The following KIT variants were observed in gnomAD, a reference collection of about 807,000 sequenced individuals.
KIT encodes the protein KIT proto-oncogene, receptor tyrosine kinase, also known as mast/stem cell growth factor receptor Kit.
KIT carries 16 observed loss-of-function variants against 105.7 expected under a neutral mutation model. The ratio of observed to expected loss-of-function variants is 0.15; its 90% CI spans 0.10 to 0.23. The LOEUF is 0.23. Among genes scored for constraint, KIT ranks in the 10% least tolerant of loss-of-function variants. The pLI is 1.00. For missense variants in KIT, 858 were observed against 1,213.8 expected (o/e 0.71, Z 4.36); for synonymous variants, 438 against 441.1 (o/e 0.99, Z 0.09).
At chr4:54,658,215 G>T in intron 1 of KIT, 134 bp downstream of exon 1, 1 of 885,184 alleles carries the variant, frequency 1.1e-6, no homozygotes. Context: ...AGCCTCCGGG[G>T]AGACTCCAGG....
At chr4:54,732,109 A>T in intron 16 of KIT, 111 bp downstream of exon 16, 1 of 1,245,060 alleles carries the variant, frequency 8.0e-7, no homozygotes, top group Non-Finnish European at 1.1e-6. Context: ...AAAATGCAGA[A>T]TGTCATTTTG....
intron 1 of KIT, among the ~76,000 whole-genome samples, chr4:54,670,807 A>T (rs1035626483): frequency 1.3e-5 from 2 of 152,164 alleles, no homozygotes; most frequent in African/African-American, 4.8e-5. Context: ...CCCCAGGGGA[A>T]GGGGAATTGT....
intron 19 of KIT, 82 bp downstream of exon 19, chr4:54,736,902 G>T (rs1188779671): frequency 7.9e-6 from 8 of 1,016,654 alleles, no homozygotes; most frequent in South Asian, 4.0e-5. Context: ...GATGTTGAGG[G>T]TTTTCATAAC....
chr4:54,698,823 A>G (rs1720257222), intron 3 of KIT, among the ~76,000 whole-genome samples: 1 of 152,258 alleles, frequency 6.6e-6, no homozygotes, highest in African/African-American at 2.4e-5. Context: ...GACTTAAGTC[A>G]GCCCAAAGTT....
intron 2 of KIT, chr4:54,696,039 G>T: frequency 1.9e-6 from 1 of 534,022 alleles, no homozygotes; most frequent in Non-Finnish European, 3.4e-6. Context: ...GCCCATTTGT[G>T]CTGGTGCTTT....
At position 54,698,468 on chromosome 4, in the gene KIT, T is replaced by C. The variant is rs145993517; in HGVS notation, c.522T>C (p.Ser174=). 2.4e-5 allele frequency: 38 copies of C among 1,614,100 alleles called. No homozygotes were observed. The African/African-American group carries it at 3.5e-4, about 15-fold the overall frequency. Residue 174 remains serine (S), a synonymous_variant, in exon 3 of 21, where the codon AGT becomes AGC. Coordinates refer to ENST00000288135, the MANE Select transcript of KIT (RefSeq NM_000222.3). The part of the protein sequence containing the change: ...PDPKAGIMIK[S]VKRAYHRLCL... ...CCAAGGCGGGCATCATGATCAAAAG[T>C]GTGAAACGCGCCTACCATCGGCTCT...
intron 20 of KIT, among the ~76,000 whole-genome samples, 169 bp from the exon 21 acceptor site, chr4:54,738,260 A>G (rs1029761840): frequency 2.6e-5 from 4 of 152,210 alleles, no homozygotes; most frequent in Admixed American, 6.5e-5. Flanking sequence ...AACAAAGCTT[A>G]TATTTGTTTT....
intron 1 of KIT, among the ~76,000 whole-genome samples, chr4:54,692,257 T>C (rs1434121059): frequency 1.3e-5 from 2 of 152,228 alleles, no homozygotes; most frequent in African/African-American, 4.8e-5. Context: ...GCTTTCCTGC[T>C]TTTCTATGAT....
intron 1 of KIT, among the ~76,000 whole-genome samples, chr4:54,680,475 T>C (rs1342981667): frequency 6.9e-6 from 1 of 145,462 alleles, no homozygotes; most frequent in South Asian, 2.4e-4. Flanking sequence ...CACTGCAACC[T>C]CCGCCTCCCC....
intron 7 of KIT, among the ~76,000 whole-genome samples, chr4:54,715,605 A>G (rs1283668056): frequency 2.0e-5 from 3 of 152,122 alleles, no homozygotes; most frequent in Non-Finnish European, 4.4e-5. Flanking sequence ...GGGAGCTAAT[A>G]GTGTGAGGAG....
At chr4:54,676,315 TCTG>T (rs1286643448) in intron 1 of KIT, among the ~76,000 whole-genome samples, 2 of 152,178 alleles carry the variant, frequency 1.3e-5, no homozygotes, top group African/African-American at 4.8e-5. Context: ...TCCAGGTGAT[TCTG>T]CTGCAGGCGA....
intron 7 of KIT, 180 bp downstream of exon 7, chr4:54,709,719 C>A: frequency 3.0e-6 from 2 of 669,010 alleles, no homozygotes; most frequent in Non-Finnish European, 5.4e-6. Context: ...GTTCCTTGTC[C>A]TACATTTCAC....
chr4:54,734,696 GTCA>G (rs1476362765), intron 17 of KIT, among the ~76,000 whole-genome samples: 1 of 152,088 alleles, frequency 6.6e-6, no homozygotes, highest in Admixed American at 6.5e-5. Flanking sequence ...CCACATTTTT[GTCA>G]TCATCATTTG....
At chr4:54,708,606 A>G (rs1416740657) in intron 6 of KIT, among the ~76,000 whole-genome samples, 1 of 152,110 alleles carries the variant, frequency 6.6e-6, no homozygotes, top group Non-Finnish European at 1.5e-5. Flanking sequence ...TGTAGAGGAG[A>G]CATGGTACAG....
intron 1 of KIT, among the ~76,000 whole-genome samples, chr4:54,658,529 T>A (rs1490022551): frequency 6.6e-6 from 1 of 152,140 alleles, no homozygotes; most frequent in Non-Finnish European, 1.5e-5. Context: ...AGGACCTGCC[T>A]GCAGGTTCTC....
At chr4:54,708,125 G>A (rs1317853569) in intron 6 of KIT, among the ~76,000 whole-genome samples, 1 of 152,170 alleles carries the variant, frequency 6.6e-6, no homozygotes, top group Non-Finnish European at 1.5e-5. Context: ...GGGAGGAGTT[G>A]AAGATGCCTT....
intron 7 of KIT, among the ~76,000 whole-genome samples, chr4:54,709,790 G>A (rs1371687208): frequency 6.6e-6 from 1 of 152,148 alleles, no homozygotes; most frequent in Admixed American, 6.5e-5. Context: ...AGTAAACAGA[G>A]GAGCCAAACA....
intron 1 of KIT, among the ~76,000 whole-genome samples, chr4:54,659,542 G>C (rs1158799584): frequency 6.6e-6 from 1 of 152,212 alleles, no homozygotes; most frequent in African/African-American, 2.4e-5. Context: ...TCCAGGCGCA[G>C]TCTGCAGCGT....
At chr4:54,695,423 C>T in intron 1 of KIT, 89 bp from the exon 2 acceptor site, 17 of 1,365,014 alleles carry the variant, frequency 1.2e-5, no homozygotes, top group Non-Finnish European at 1.7e-5. Context: ...TTGTAGAGTA[C>T]ACAGAAGATG....
Sources: allele counts gnomAD v4.1 joint callset (sites outside exome capture counted in the v4.1 genomes callset), GRCh38; gene constraint gnomAD v4.1.1; transcripts MANE v1.5; gene names NCBI Gene and HGNC (gene_info 2026-07-23, HGNC 2026-07-21).